Variants in GRM5 observed in about 807,000 individuals in gnomAD.
GRM5 encodes metabotropic glutamate receptor 5.
Under a neutral mutation model 83.1 loss-of-function variants are expected in GRM5, and 19 were observed. That is an observed-to-expected ratio of 0.23 (90% CI 0.16 to 0.34). The LOEUF (loss-of-function observed/expected upper bound fraction) is 0.34, where lower values mean the gene tolerates loss of function less well. Ranked by LOEUF, GRM5 falls within the 10% of genes least tolerant of loss-of-function variation. GRM5 has a pLI of 1.00. For missense variants in GRM5, 1,160 were observed against 1,588.3 expected (o/e 0.73, Z 4.58); for synonymous variants, 675 against 633.6 (o/e 1.07, Z -0.98).
intron 3 of GRM5, among the ~76,000 whole-genome samples, chr11:88,797,312 G>A (rs556318290): frequency 7.9e-5 from 12 of 152,006 alleles, no homozygotes; most frequent in South Asian, 4.2e-4. Flanking sequence ...ACCACGCTCC[G>A]CTAATTTTTA....
chr11:88,691,943 T>C (rs962305196), intron 3 of GRM5, among the ~76,000 whole-genome samples: 5 of 152,214 alleles, frequency 3.3e-5, no homozygotes, highest in African/African-American at 9.6e-5. Context: ...AAGTCCGAAA[T>C]ACTTGCTTAG....
At chr11:88,656,586 T>A (rs1434039264) in intron 3 of GRM5, among the ~76,000 whole-genome samples, 1 of 152,110 alleles carries the variant, frequency 6.6e-6, no homozygotes, top group Non-Finnish European at 1.5e-5. Flanking sequence ...TTTAGCGCCA[T>A]CTTTTGCATG....
chr11:88,962,983 G>C (rs1328098304), intron 2 of GRM5, among the ~76,000 whole-genome samples: 1 of 152,192 alleles, frequency 6.6e-6, no homozygotes, highest in Non-Finnish European at 1.5e-5. Context: ...CAACTACTCA[G>C]GAGGCTGAGG....
chr11:89,021,593 C>G (rs1238842841), intron 2 of GRM5, among the ~76,000 whole-genome samples: 1 of 152,168 alleles, frequency 6.6e-6, no homozygotes, highest in Non-Finnish European at 1.5e-5. Flanking sequence ...TAAAAAACTG[C>G]AGCTCAAATT....
At chr11:88,568,433 A>G (rs887918614) in intron 7 of GRM5, among the ~76,000 whole-genome samples, 1 of 152,176 alleles carries the variant, frequency 6.6e-6, no homozygotes, top group Non-Finnish European at 1.5e-5. Flanking sequence ...ACTTACAGTT[A>G]AAGTACATTA....
At chr11:88,637,326 C>A (rs1939159014) in intron 4 of GRM5, among the ~76,000 whole-genome samples, 1 of 151,324 alleles carries the variant, frequency 6.6e-6, no homozygotes. Context: ...AACTAAAGAG[C>A]TTCTGCACAG....
chr11:88,544,146 T>A (rs1942339652), intron 8 of GRM5, among the ~76,000 whole-genome samples: 2 of 152,144 alleles, frequency 1.3e-5, no homozygotes, highest in African/African-American at 2.4e-5. Flanking sequence ...CCTCCCCAGA[T>A]GCTGGTGCCA....
intron 7 of GRM5, among the ~76,000 whole-genome samples, chr11:88,585,600 G>C (rs1173906282): frequency 6.6e-6 from 1 of 151,902 alleles, no homozygotes; most frequent in Non-Finnish European, 1.5e-5. Context: ...TTTCATTTTA[G>C]TTTGGCCAGC....
At chr11:88,827,905 C>T (rs1016202347) in intron 3 of GRM5, among the ~76,000 whole-genome samples, 4 of 151,978 alleles carry the variant, frequency 2.6e-5, no homozygotes, top group Non-Finnish European at 5.9e-5. Context: ...ATATTATTGA[C>T]AAAAATAAAG....
chr11:88,653,211 T>C lies in GRM5; in HGVS notation c.1104A>G (p.Glu368=). Residue 368 remains glutamate, a synonymous_variant, in exon 4 of 10, where the codon GAA becomes GAG. Transcript: ENST00000305447. ...ATTTGCTGTTCTCCTGTGGAAACCCTTCCAGTCGGCACTGAAAACGATGCT... is the reference window on the plus strand; with the variant it reads ...ATTTGCTGTTCTCCTGTGGAAACCCCTCCAGTCGGCACTGAAAACGATGCT... The part of the protein sequence containing the change: ...FWQHRFQCRL[E]GFPQENSKYN... 2 of 1,612,600 alleles carry C rather than the reference T, an allele frequency of 1.2e-6. No homozygotes were observed. The highest frequency in any genetic ancestry group is 1.7e-6 in the Non-Finnish European group (2 of 1,178,902).
chr11:88,698,420 C>T (rs1157591522), intron 3 of GRM5, among the ~76,000 whole-genome samples: 2 of 152,332 alleles, frequency 1.3e-5, no homozygotes, highest in Non-Finnish European at 2.9e-5. Flanking sequence ...CTTAGTGCTT[C>T]TTATATGCTG....
intron 2 of GRM5, among the ~76,000 whole-genome samples, chr11:89,019,419 G>T (rs189199599): frequency 1.3e-5 from 2 of 151,922 alleles, no homozygotes; most frequent in Non-Finnish European, 2.9e-5. Context: ...TTTCAGCTGG[G>T]CATGGTGGCT....
chr11:88,559,474 C>T (rs949536552), intron 8 of GRM5, among the ~76,000 whole-genome samples: 5 of 152,160 alleles, frequency 3.3e-5, no homozygotes, highest in Non-Finnish European at 5.9e-5. Flanking sequence ...CTGTTTGCCT[C>T]AGTTTCCTCA....
At chr11:88,837,047 C>A (rs1265761411) in intron 3 of GRM5, among the ~76,000 whole-genome samples, 1 of 152,136 alleles carries the variant, frequency 6.6e-6, no homozygotes, top group Non-Finnish European at 1.5e-5. Flanking sequence ...AATAGTCCAT[C>A]TAATTATTAA....
chr11:88,843,474 C>T (rs945799466), intron 3 of GRM5, among the ~76,000 whole-genome samples: 6 of 151,990 alleles, frequency 3.9e-5, no homozygotes, highest in Non-Finnish European at 5.9e-5. Flanking sequence ...TATATAAGAC[C>T]GTAATGAGGG....
chr11:88,672,581 G>A (rs1940221922), intron 3 of GRM5, among the ~76,000 whole-genome samples: 3 of 151,908 alleles, frequency 2.0e-5, no homozygotes, highest in Admixed American at 1.3e-4. Flanking sequence ...CTGACAATTG[G>A]TGAAATGTAC....
intron 3 of GRM5, among the ~76,000 whole-genome samples, chr11:88,712,994 G>A (rs1448733497): frequency 6.6e-6 from 1 of 152,008 alleles, no homozygotes; most frequent in African/African-American, 2.4e-5. Flanking sequence ...GCTATGACAA[G>A]TGTAGGTAGG....
intron 2 of GRM5, among the ~76,000 whole-genome samples, chr11:89,044,724 G>A (rs565508244): frequency 6.6e-6 from 1 of 152,026 alleles, no homozygotes; most frequent in African/African-American, 2.4e-5. Flanking sequence ...ATCAAGTACT[G>A]GGATTAATTC....
At chr11:88,991,758 G>A (rs1939982322) in intron 2 of GRM5, among the ~76,000 whole-genome samples, 1 of 151,968 alleles carries the variant, frequency 6.6e-6, no homozygotes, top group Non-Finnish European at 1.5e-5. Flanking sequence ...AACAAGAAAT[G>A]GGGAAAGGAT....
Sources: gnomAD v4.1 joint callset for allele counts (sites outside exome capture counted in the v4.1 genomes callset) on GRCh38, gnomAD v4.1.1 for gene constraint, MANE v1.5 for transcripts, NCBI Gene and HGNC (gene_info 2026-07-23, HGNC 2026-07-21) for gene names.